The following PDE10A variants were observed in gnomAD, a reference collection of about 807,000 sequenced individuals.
The protein encoded by PDE10A is cAMP and cAMP-inhibited cGMP 3',5'-cyclic phosphodiesterase 10A.
In PDE10A, 39 loss-of-function variants were observed where a neutral mutation model predicts 97.7. The ratio of observed to expected loss-of-function variants is 0.40; its 90% confidence interval spans 0.31 to 0.52. The LOEUF (loss-of-function observed/expected upper bound fraction) is 0.52, where lower values mean the gene tolerates loss of function less well. Ranked by LOEUF, PDE10A falls within the 20% of genes least tolerant of loss-of-function variation. PDE10A has a pLI of 0.56. For synonymous variants in PDE10A, 371 were observed against 376.8 expected, an observed-to-expected ratio of 0.98 and a Z score of 0.18; for missense variants, 731 against 1,047.8, an observed-to-expected ratio of 0.70 and a Z score of 4.17.
intron 1 of PDE10A, among the ~76,000 whole-genome samples, chr6:165,723,640 C>A (rs1351209454): frequency 2.6e-5 from 4 of 152,202 alleles, no homozygotes; most frequent in Admixed American, 6.5e-5. Context: ...CAATCCTATA[C>A]TTTAGTTCTG....
intron 1 of PDE10A, chr6:165,986,032 G>C (rs1454303164): frequency 2.0e-5 from 3 of 152,738 alleles, no homozygotes; most frequent in Admixed American, 6.5e-5. Flanking sequence ...GCATTCCTGC[G>C]GAGGGATCTC....
At chr6:165,814,131 C>T (rs1779349528) in intron 1 of PDE10A, among the ~76,000 whole-genome samples, 1 of 152,106 alleles carries the variant, frequency 6.6e-6, no homozygotes, top group Non-Finnish European at 1.5e-5. Context: ...TTTCAAAATG[C>T]AACACATTCT....
At chr6:165,619,320 T>TA (rs1787924220) in intron 1 of PDE10A, among the ~76,000 whole-genome samples, 4 of 121,748 alleles carry the variant, frequency 3.3e-5, no homozygotes, top group East Asian at 2.1e-4. Context: ...TAGTCTAGTG[T>TA]GGTGTAGTGT....
intron 2 of PDE10A, among the ~76,000 whole-genome samples, chr6:165,515,451 T>C (rs1781738413): frequency 6.6e-6 from 1 of 151,638 alleles, no homozygotes; most frequent in South Asian, 2.1e-4. Flanking sequence ...ATTGGTTTAA[T>C]ATTATAATCA....
intron 5 of PDE10A, among the ~76,000 whole-genome samples, chr6:165,442,018 T>C (rs976570666): frequency 6.6e-6 from 1 of 152,196 alleles, no homozygotes; most frequent in Non-Finnish European, 1.5e-5. Flanking sequence ...TATTATTTGT[T>C]TTTAGATTAT....
chr6:165,329,388 A>G lies in PDE10A; in HGVS notation c.*3637T>C, dbSNP rs771566484. The G allele has an allele frequency of 6.6e-6, 1 of 152,244 alleles. No individual in the cohort carries two copies. The highest frequency in any genetic ancestry group is 1.5e-5 in the Non-Finnish European group (1 of 68,042). The allele number at this position is 152,244 out of a possible 1,614,324, so 9.4% of individuals were successfully genotyped here. A position where few individuals can be genotyped will look rare whatever the true frequency, so the allele number is the denominator to read the frequency against. On this transcript the variant is annotated 3_prime_UTR_variant, in exon 22 of 22. Transcript: ENST00000539869. ...TGCGTTCCTGCAAATATTTTCAATT[A>G]TACTTAAGCAAGAAAAGCAAAATAA...
intron 1 of PDE10A, among the ~76,000 whole-genome samples, chr6:165,867,066 C>T (rs1452416908): frequency 6.6e-6 from 1 of 151,616 alleles, no homozygotes; most frequent in Non-Finnish European, 1.5e-5. Context: ...ACTGGGAAAA[C>T]CCCACCAAAT....
chr6:165,686,555 A>G (rs367641491), intron 1 of PDE10A, among the ~76,000 whole-genome samples: 6 of 152,342 alleles, frequency 3.9e-5, no homozygotes, highest in African/African-American at 1.2e-4. Context: ...TGCAGGGGCA[A>G]TGTTTAAAAT....
intron 1 of PDE10A, among the ~76,000 whole-genome samples, chr6:165,565,719 G>A (rs1169845028): frequency 1.3e-5 from 2 of 152,252 alleles, no homozygotes; most frequent in African/African-American, 4.8e-5. Context: ...GTGGTTATTA[G>A]GGAAATAATG....
chr6:165,422,904 C>A (rs936872053), intron 10 of PDE10A, among the ~76,000 whole-genome samples: 69 of 151,792 alleles, frequency 4.5e-4, no homozygotes, highest in Non-Finnish European at 1.2e-4. Context: ...ATTTATATAT[C>A]TAAAACTATG....
chr6:165,827,468 C>T (rs963568764), intron 1 of PDE10A, among the ~76,000 whole-genome samples: 4 of 152,200 alleles, frequency 2.6e-5, no homozygotes, highest in Non-Finnish European at 1.5e-5. Flanking sequence ...ACCGAGTATC[C>T]TCCTCCCTCA....
chr6:165,520,798 A>G (rs1258481033), intron 2 of PDE10A, among the ~76,000 whole-genome samples: 1 of 152,054 alleles, frequency 6.6e-6, no homozygotes, highest in Non-Finnish European at 1.5e-5. Context: ...GTACTCTAAG[A>G]GCCATCAGTG....
At chr6:165,573,558 T>C (rs57728170) in intron 1 of PDE10A, among the ~76,000 whole-genome samples, 17,954 of 152,186 alleles carry the variant, frequency 0.12, 2,147 homozygotes, top group African/African-American at 0.31. Context: ...TATTGAACTA[T>C]GCCTTTCATC....
chr6:165,478,194 A>G (rs1472190983), intron 3 of PDE10A, among the ~76,000 whole-genome samples: 2 of 152,178 alleles, frequency 1.3e-5, no homozygotes, highest in African/African-American at 4.8e-5. Context: ...TTCCTCCTAT[A>G]GTTTTCTGCA....
At chr6:165,964,027 G>A (rs1784434973) in intron 1 of PDE10A, among the ~76,000 whole-genome samples, 1 of 152,174 alleles carries the variant, frequency 6.6e-6, no homozygotes. Flanking sequence ...AAAAACAGTG[G>A]TTCTTTGTTT....
intron 1 of PDE10A, among the ~76,000 whole-genome samples, chr6:165,571,337 A>G (rs1163620631): frequency 1.3e-5 from 2 of 152,206 alleles, no homozygotes; most frequent in African/African-American, 2.4e-5. Context: ...AGCAAACACC[A>G]TGAAATTCTG....
intron 18 of PDE10A, among the ~76,000 whole-genome samples, chr6:165,355,136 C>T (rs962891744): frequency 2.0e-5 from 3 of 151,964 alleles, no homozygotes; most frequent in Non-Finnish European, 2.9e-5. Flanking sequence ...CTGAGGTAAT[C>T]GACATCTTAA....
At chr6:165,758,525 G>GAAGAAA (rs1399481577) in intron 1 of PDE10A, among the ~76,000 whole-genome samples, 1 of 149,156 alleles carries the variant, frequency 6.7e-6, no homozygotes, top group East Asian at 2.0e-4. Context: ...AGAAGAAGAA[G>GAAGAAA]AAGAAGAGGA....
intron 1 of PDE10A, among the ~76,000 whole-genome samples, chr6:165,578,964 AAAC>A (rs1264485110): frequency 2.6e-5 from 4 of 152,230 alleles, no homozygotes; most frequent in African/African-American, 9.6e-5. Flanking sequence ...AGCTTCTCAC[AAAC>A]AAATGGACAC....
Sources: allele counts gnomAD v4.1 joint callset (sites outside exome capture counted in the v4.1 genomes callset), GRCh38; gene constraint gnomAD v4.1.1; transcripts MANE v1.5; gene names NCBI Gene and HGNC (gene_info 2026-07-23, HGNC 2026-07-21).